Variants in ACOXL observed in about 807,000 individuals in gnomAD.
ACOXL encodes the protein acyl-coenzyme A oxidase-like protein.
In ACOXL, 70 loss-of-function variants were observed where a neutral mutation model predicts 71.9. That is an observed-to-expected ratio of 0.97 (90% CI 0.80 to 1.19). The LOEUF is 1.19. Ranked by LOEUF, ACOXL falls within the 50% of genes most tolerant of loss-of-function variation. The probability of loss-of-function intolerance (pLI) is 0.00; values close to 1 mark genes in which losing one functional copy is unlikely to be tolerated. For synonymous variants in ACOXL, 253 were observed against 281.6 expected (o/e 0.90, Z 1.02); for missense variants, 703 against 736.3 (o/e 0.95, Z 0.52).
chr2:110,997,590 T>C (rs1352145845), intron 14 of ACOXL, among the ~76,000 whole-genome samples: 1 of 152,162 alleles, frequency 6.6e-6, no homozygotes, highest in Non-Finnish European at 1.5e-5. Context: ...TTTTTAGATA[T>C]CTAAGAATCA....
intron 5 of ACOXL, among the ~76,000 whole-genome samples, chr2:110,796,999 T>C (rs1307077639): frequency 6.6e-6 from 1 of 152,118 alleles, no homozygotes; most frequent in Non-Finnish European, 1.5e-5. Context: ...TCAACTCCAA[T>C]TAAATGTGCA....
chr2:110,940,131 C>G (rs1178865725), intron 12 of ACOXL, among the ~76,000 whole-genome samples: 1 of 152,180 alleles, frequency 6.6e-6, no homozygotes, highest in Non-Finnish European at 1.5e-5. Flanking sequence ...ACCGGCCTCA[C>G]TATTGTGAGG....
intron 10 of ACOXL, among the ~76,000 whole-genome samples, chr2:110,851,132 AGT>A (rs1692551799): frequency 6.6e-6 from 1 of 152,186 alleles, no homozygotes; most frequent in South Asian, 2.1e-4. Context: ...TAGAAAGCAA[AGT>A]GAGGGATTTT....
At chr2:110,831,526 C>A (rs1689823881) in intron 9 of ACOXL, among the ~76,000 whole-genome samples, 1 of 152,144 alleles carries the variant, frequency 6.6e-6, no homozygotes, top group Non-Finnish European at 1.5e-5. Flanking sequence ...GTCAATTCTC[C>A]TCAGATTTAA....
intron 9 of ACOXL, among the ~76,000 whole-genome samples, chr2:110,828,010 G>C (rs535377136): frequency 5.4e-4 from 82 of 151,952 alleles, no homozygotes; most frequent in Admixed American, 1.6e-3. Context: ...TTGCTCTGTC[G>C]CCCAGGCTGG....
intron 9 of ACOXL, among the ~76,000 whole-genome samples, chr2:110,833,170 G>T (rs1390088825): frequency 6.6e-6 from 1 of 152,168 alleles, no homozygotes; most frequent in Non-Finnish European, 1.5e-5. Context: ...AAATAACCCA[G>T]ATATCTTTCA....
At chr2:111,066,035 C>T (rs1321509470) in intron 16 of ACOXL, among the ~76,000 whole-genome samples, 1 of 152,092 alleles carries the variant, frequency 6.6e-6, no homozygotes, top group African/African-American at 2.4e-5. Flanking sequence ...GTATTTATCC[C>T]CCCAAAAATG....
At chr2:111,001,820 C>CT (rs1258034065) in intron 14 of ACOXL, among the ~76,000 whole-genome samples, 1 of 152,118 alleles carries the variant, frequency 6.6e-6, no homozygotes, top group African/African-American at 2.4e-5. Context: ...GGACTGTGAG[C>CT]TGATACCATA....
intron 9 of ACOXL, among the ~76,000 whole-genome samples, chr2:110,839,642 C>T (rs1266921040): frequency 6.6e-6 from 1 of 152,140 alleles, no homozygotes; most frequent in Non-Finnish European, 1.5e-5. Flanking sequence ...CTTTGGATGC[C>T]TGCAGTGGTA....
intron 2 of ACOXL, among the ~76,000 whole-genome samples, chr2:110,777,058 T>G (rs914651620): frequency 6.6e-6 from 1 of 152,006 alleles, no homozygotes; most frequent in Non-Finnish European, 1.5e-5. Flanking sequence ...GCAACTCAAC[T>G]AGAAGGATAG....
intron 9 of ACOXL, among the ~76,000 whole-genome samples, chr2:110,812,562 T>C (rs923777138): frequency 1.3e-5 from 2 of 152,238 alleles, no homozygotes; most frequent in East Asian, 1.9e-4. Context: ...GAACATGCCG[T>C]ATTTGGTTTT....
chr2:110,946,973 G>T (rs182227036), intron 12 of ACOXL, among the ~76,000 whole-genome samples: 1 of 152,186 alleles, frequency 6.6e-6, no homozygotes, highest in East Asian at 1.9e-4. Context: ...TGCTCTTGGC[G>T]TGCAGCTGTG....
At chr2:111,061,299 A>G (rs2066800716) in intron 16 of ACOXL, among the ~76,000 whole-genome samples, 1 of 152,160 alleles carries the variant, frequency 6.6e-6, no homozygotes, top group Admixed American at 6.5e-5. Flanking sequence ...TAAAGAGAAA[A>G]CCAATTCAAA....
At chr2:111,115,159 A>G (rs926069166) in intron 17 of ACOXL, among the ~76,000 whole-genome samples, 2 of 152,192 alleles carry the variant, frequency 1.3e-5, no homozygotes, top group Admixed American at 6.5e-5. Context: ...GATATGGGTA[A>G]GCTTGAAGTA....
At chr2:110,745,036 C>T (rs749464675) in intron 1 of ACOXL, among the ~76,000 whole-genome samples, 15 of 152,192 alleles carry the variant, frequency 9.9e-5, no homozygotes, top group African/African-American at 1.4e-4. Context: ...TGCCCTTTAC[C>T]GTTCAGGTTA....
At chr2:110,806,611 A>G (rs113866633) in intron 9 of ACOXL, among the ~76,000 whole-genome samples, 6 of 152,364 alleles carry the variant, frequency 3.9e-5, no homozygotes, top group African/African-American at 1.4e-4. Flanking sequence ...TTGGTTAAAC[A>G]TCGGATGCAG....
Position 110,964,608 on chromosome 2 carries a change from A to G in ACOXL, c.1060-22500A>G, listed in dbSNP as rs117708004. Among the ~76,000 whole-genome samples, 246 of 152,320 alleles carry G rather than the reference A, an allele frequency of 1.6e-3. 2 individuals are homozygous for G. The East Asian group carries it at 0.042, about 26-fold the overall frequency. ...GCACCTAGGCTATGTGGTGGAGCCT[A>G]TTGCTCCTACGCTACACACCTGTAC... On this transcript the variant is annotated intron_variant, in intron 12 of 17. Coordinates refer to ENST00000439055, the MANE Select transcript of ACOXL (RefSeq NM_001142807.4).
chr2:110,768,304 G>A (rs560231388), intron 1 of ACOXL, 64 bp from the exon 2 acceptor site: 155 of 1,368,178 alleles, frequency 1.1e-4, no homozygotes, highest in Non-Finnish European at 1.5e-4. Context: ...CGGGGTCAAA[G>A]CATCCACAGC....
At chr2:110,804,856 T>C (rs923537398) in intron 8 of ACOXL, among the ~76,000 whole-genome samples, 5 of 149,974 alleles carry the variant, frequency 3.3e-5, no homozygotes, top group Admixed American at 1.3e-4. Context: ...GGACTGCTAG[T>C]GGGGTGGGGT....
Sources: allele counts gnomAD v4.1 joint callset (sites outside exome capture counted in the v4.1 genomes callset), GRCh38; gene constraint gnomAD v4.1.1; transcripts MANE v1.5; gene names NCBI Gene and HGNC (gene_info 2026-07-23, HGNC 2026-07-21).